SLC24A4: variants seen among roughly 807,000 people sequenced by gnomAD.
The protein encoded by SLC24A4 is sodium/potassium/calcium exchanger 4.
SLC24A4 carries 53 observed loss-of-function variants against 79.0 expected under a neutral mutation model. The observed-to-expected ratio is 0.67, with a 90% confidence interval of 0.54 to 0.84. The LOEUF is 0.84. Among genes scored for constraint, SLC24A4 ranks in the 40% least tolerant of loss-of-function variants. The pLI is 0.00. For missense variants in SLC24A4, 731 were observed against 822.0 expected (o/e 0.89, Z 1.35); for synonymous variants, 323 against 323.8 (o/e 1.00, Z 0.03).
At chr14:92,382,094 A>G (rs1182228028) in intron 2 of SLC24A4, among the ~76,000 whole-genome samples, 2 of 151,876 alleles carry the variant, frequency 1.3e-5, no homozygotes, top group East Asian at 3.8e-4. Flanking sequence ...ATTCCTGTAT[A>G]TATATATAAA....
chr14:92,366,486 G>A (rs570060636), intron 2 of SLC24A4, among the ~76,000 whole-genome samples: 16 of 152,344 alleles, frequency 1.1e-4, no homozygotes, highest in Non-Finnish European at 1.8e-4. Context: ...ATGACCTTGC[G>A]TCCTGCAGCA....
At position 92,341,707 on chromosome 14, in the gene SLC24A4, C is replaced by T. The variant is rs551504233; in HGVS notation, c.241+15729C>T. 1.7e-4 allele frequency among the ~76,000 whole-genome samples: 26 copies of T among 152,228 alleles called. 2 individuals are homozygous for T. In the South Asian group the frequency reaches 5.2e-3, roughly 30 times the overall value. ...AAACCTTTGCCTCAAACAGTCTCCC[C>T]AGGAAAATGGGGGGAAATTCCATCC... On this transcript the variant is annotated intron_variant, in intron 2 of 16. Coordinates refer to ENST00000532405, the MANE Select transcript of SLC24A4 (RefSeq NM_153646.4).
At chr14:92,378,275 A>G (rs1888631287) in intron 2 of SLC24A4, among the ~76,000 whole-genome samples, 1 of 152,152 alleles carries the variant, frequency 6.6e-6, no homozygotes, top group South Asian at 2.1e-4. Context: ...TCTGAGGGCC[A>G]TGTGCATTAT....
chr14:92,364,752 T>C (rs1344203692), intron 2 of SLC24A4, among the ~76,000 whole-genome samples: 1 of 152,188 alleles, frequency 6.6e-6, no homozygotes, highest in Non-Finnish European at 1.5e-5. Context: ...TCAGAGCCTC[T>C]CTATCAGTCA....
At chr14:92,455,643 CGA>C (rs531731925) in intron 11 of SLC24A4, among the ~76,000 whole-genome samples, 80 of 152,016 alleles carry the variant, frequency 5.3e-4, no homozygotes, top group Non-Finnish European at 9.6e-4. Flanking sequence ...GTGCCTGAGG[CGA>C]GTCTTTGAAG....
chr14:92,323,427 G>C lies in SLC24A4; in HGVS notation c.-404G>C, dbSNP rs1168750780. On this transcript the variant is annotated 5_prime_UTR_variant, in exon 1 of 17. Coordinates refer to ENST00000532405, the MANE Select transcript of SLC24A4 (RefSeq NM_153646.4). This position sits in a 1 kb window ranked among gnomAD's most constrained non-coding sequence, Gnocchi z 4.9. ...GGGCGCGGCGGCGCGGGGCGCGGGG[G>C]CGCACTGAGTGCTCCCTACGGCGCT... Among the ~76,000 whole-genome samples, 1 of 151,700 alleles carries C rather than the reference G, an allele frequency of 6.6e-6. No homozygotes were observed. The highest frequency in any genetic ancestry group is 1.5e-5 in the Non-Finnish European group (1 of 67,864).
chr14:92,447,502 G>T, intron 9 of SLC24A4, 78 bp downstream of exon 9: 1 of 1,350,584 alleles, frequency 7.4e-7, no homozygotes, highest in Non-Finnish European at 1.1e-6. Context: ...ACAGCAGGGA[G>T]AAAAACATCT....
At chr14:92,474,261 G>A (rs528176282) in intron 12 of SLC24A4, among the ~76,000 whole-genome samples, 1 of 152,294 alleles carries the variant, frequency 6.6e-6, no homozygotes, top group South Asian at 2.1e-4. Flanking sequence ...CTGATTCTGA[G>A]CGGGCACTTG....
At chr14:92,450,508 C>G (rs8015178) in intron 10 of SLC24A4, 1 of 152,284 alleles carries the variant, frequency 6.6e-6, no homozygotes, top group African/African-American at 2.4e-5. Flanking sequence ...GAGTTTGATT[C>G]GTGTGTCGTG....
At position 92,329,276 on chromosome 14, in the gene SLC24A4, C is replaced by T. The variant is rs997985189; in HGVS notation, c.241+3298C>T. Among the ~76,000 whole-genome samples, 13 of 152,328 alleles carry T rather than the reference C, an allele frequency of 8.5e-5. No homozygotes were observed. The East Asian group carries it at 1.4e-3, about 16-fold the overall frequency. ...GAGCCCACATCTCCTTAAGAACCTC[C>T]GGTGTGTGTCTTTATTGCCTGTGCC... On this transcript the variant is annotated intron_variant, in intron 2 of 16. Transcript: ENST00000532405.
chr14:92,492,055 C>T (rs1477963226), intron 15 of SLC24A4, 120 bp from the exon 16 acceptor site: 7 of 925,550 alleles, frequency 7.6e-6, no homozygotes, highest in African/African-American at 1.6e-5. Context: ...CATGTGGTCA[C>T]CTGTAAACAC....
At position 92,398,198 on chromosome 14, in the gene SLC24A4, C is replaced by T. The variant is rs148113936; in HGVS notation, c.242-35714C>T. On this transcript the variant is annotated intron_variant, in intron 2 of 16. Transcript: ENST00000532405. The surrounding 1 kb of genome is among the most constrained non-coding windows in gnomAD (Gnocchi z 4.1). ...GCATGCCTAAGTTGGTTGAAACATG[C>T]CCTCATGGTTGGTAAATTGGTAGTC... 2.1e-3 allele frequency among the ~76,000 whole-genome samples: 314 copies of T among 152,262 alleles called. 1 individual carries two copies. The highest frequency in any genetic ancestry group is 6.9e-3 in the African/African-American group (288 of 41,550).
chr14:92,485,960 T>C (rs1284892627), intron 13 of SLC24A4, among the ~76,000 whole-genome samples: 1 of 152,202 alleles, frequency 6.6e-6, no homozygotes, highest in African/African-American at 2.4e-5. Context: ...GCCTTGACAG[T>C]AAAAGTCTAT....
intron 2 of SLC24A4, among the ~76,000 whole-genome samples, chr14:92,344,558 G>A (rs1048801534): frequency 4.6e-5 from 7 of 152,158 alleles, no homozygotes; most frequent in Non-Finnish European, 1.0e-4. Context: ...TCTGAGCCAA[G>A]GATCGATATG....
intron 2 of SLC24A4, among the ~76,000 whole-genome samples, chr14:92,351,922 A>AGGAAG (rs1451296213): frequency 6.6e-6 from 1 of 151,028 alleles, no homozygotes; most frequent in Non-Finnish European, 1.5e-5. Flanking sequence ...AAGGAAGGAA[A>AGGAAG]GGAAAGGAAA....
chr14:92,373,983 A>T (rs1888353695), intron 2 of SLC24A4, among the ~76,000 whole-genome samples: 1 of 152,222 alleles, frequency 6.6e-6, no homozygotes, highest in Non-Finnish European at 1.5e-5. Flanking sequence ...TATTTTATTC[A>T]TAAATATATC....
chr14:92,359,112 G>A (rs1271818172), intron 2 of SLC24A4, among the ~76,000 whole-genome samples: 1 of 152,180 alleles, frequency 6.6e-6, no homozygotes, highest in African/African-American at 2.4e-5. Context: ...TCTAGTCTAA[G>A]GAAGTCCTCT....
intron 2 of SLC24A4, among the ~76,000 whole-genome samples, chr14:92,331,441 C>T (rs1401411267): frequency 1.3e-5 from 2 of 152,164 alleles, no homozygotes; most frequent in Non-Finnish European, 2.9e-5. Context: ...TGCCACCATG[C>T]CTGGCTAATT....
chr14:92,399,216 C>T (rs886126012), intron 2 of SLC24A4, among the ~76,000 whole-genome samples: 6 of 152,080 alleles, frequency 3.9e-5, no homozygotes, highest in African/African-American at 1.2e-4. Flanking sequence ...TCATGCACAC[C>T]GAGTTAAAAA....
Sources: allele counts gnomAD v4.1 joint callset (sites outside exome capture counted in the v4.1 genomes callset), GRCh38; gene constraint gnomAD v4.1.1; non-coding constraint Gnocchi (gnomAD v3.1); transcripts MANE v1.5; gene names NCBI Gene and HGNC (gene_info 2026-07-23, HGNC 2026-07-21).